OLFM3: variants seen among roughly 807,000 people sequenced by gnomAD.
The protein encoded by OLFM3 is noelin-3.
OLFM3 carries 20 observed loss-of-function variants against 48.6 expected under a neutral mutation model. That is an observed-to-expected ratio of 0.41 (90% CI 0.29 to 0.60). The LOEUF (loss-of-function observed/expected upper bound fraction) is 0.60. Among genes scored for constraint, OLFM3 ranks in the 20% least tolerant of loss-of-function variants. The pLI is 0.28. For synonymous variants in OLFM3, 222 were observed against 198.1 expected (o/e 1.12, Z -1.01); for missense variants, 437 against 544.3 (o/e 0.80, Z 1.96).
At chr1:101,952,054 T>TTAAC (rs1253053718) in intron 1 of OLFM3, among the ~76,000 whole-genome samples, 41 of 152,226 alleles carry the variant, frequency 2.7e-4, no homozygotes, top group African/African-American at 9.6e-4. Flanking sequence ...AACTATCTGA[T>TTAAC]TAACTTTCTC....
chr1:101,944,165 T>C (rs1163351568), intron 1 of OLFM3, among the ~76,000 whole-genome samples: 3 of 151,836 alleles, frequency 2.0e-5, no homozygotes, highest in Non-Finnish European at 4.4e-5. Flanking sequence ...ACTTCTATGT[T>C]ATATTTTATT....
intron 1 of OLFM3, among the ~76,000 whole-genome samples, chr1:101,964,191 G>A (rs1187485539): frequency 6.6e-6 from 1 of 152,122 alleles, no homozygotes; most frequent in Non-Finnish European, 1.5e-5. Context: ...GTATGTGGAA[G>A]AAAGTTTAAG....
At chr1:101,863,633 T>A (rs533496038) in intron 1 of OLFM3, among the ~76,000 whole-genome samples, 1 of 152,296 alleles carries the variant, frequency 6.6e-6, no homozygotes, top group African/African-American at 2.4e-5. Context: ...CGCTTATTCG[T>A]AAAAATATCA....
At chr1:101,957,267 G>A (rs1235411524) in intron 1 of OLFM3, among the ~76,000 whole-genome samples, 2 of 151,916 alleles carry the variant, frequency 1.3e-5, no homozygotes, top group Non-Finnish European at 2.9e-5. Flanking sequence ...CCCAATGTGT[G>A]GGGATTTTGT....
At chr1:101,953,968 A>G (rs1660218156) in intron 1 of OLFM3, among the ~76,000 whole-genome samples, 1 of 152,158 alleles carries the variant, frequency 6.6e-6, no homozygotes, top group Non-Finnish European at 1.5e-5. Context: ...ATTGGTTGAC[A>G]GCTAAGAATG....
At chr1:101,879,563 G>T (rs1320893902) in intron 1 of OLFM3, among the ~76,000 whole-genome samples, 1 of 151,690 alleles carries the variant, frequency 6.6e-6, no homozygotes, top group Non-Finnish European at 1.5e-5. Flanking sequence ...TTGGGTCTGG[G>T]TCAAAAATCA....
chr1:101,843,720 A>G (rs562199426), intron 1 of OLFM3, among the ~76,000 whole-genome samples: 6 of 152,324 alleles, frequency 3.9e-5, no homozygotes, highest in Non-Finnish European at 7.4e-5. Flanking sequence ...GGCACCTGCC[A>G]TAAATTGATT....
intron 1 of OLFM3, among the ~76,000 whole-genome samples, chr1:101,946,777 T>G (rs924683688): frequency 2.0e-5 from 3 of 152,118 alleles, no homozygotes; most frequent in Non-Finnish European, 2.9e-5. Context: ...AAATGGAAAC[T>G]TTAGTAGATA....
chr1:101,955,571 T>C (rs972225921), intron 1 of OLFM3, among the ~76,000 whole-genome samples: 2 of 151,928 alleles, frequency 1.3e-5, no homozygotes, highest in Non-Finnish European at 2.9e-5. Flanking sequence ...CCCCATGATT[T>C]CTAAGACAAT....
chr1:101,948,795 T>C (rs1435109287), intron 1 of OLFM3, among the ~76,000 whole-genome samples: 2 of 150,350 alleles, frequency 1.3e-5, no homozygotes, highest in Non-Finnish European at 3.0e-5. Context: ...TTTAGTAAAA[T>C]AGAAATGAGT....
chr1:101,866,729 T>G (rs1300133959), intron 1 of OLFM3, among the ~76,000 whole-genome samples: 3 of 152,200 alleles, frequency 2.0e-5, no homozygotes, highest in African/African-American at 4.8e-5. Flanking sequence ...AGGTAATAAT[T>G]TAAATGCAAT....
chr1:101,988,080 C>T (rs1661301637), intron 1 of OLFM3, among the ~76,000 whole-genome samples: 1 of 151,684 alleles, frequency 6.6e-6, no homozygotes, highest in Admixed American at 6.6e-5. Flanking sequence ...TGGCACAGTA[C>T]CATTATAAGT....
chr1:101,957,042 T>C (rs933112969), intron 1 of OLFM3, among the ~76,000 whole-genome samples: 3 of 151,832 alleles, frequency 2.0e-5, no homozygotes, highest in Non-Finnish European at 4.4e-5. Flanking sequence ...AACTTGATAA[T>C]ATCAAAGGAG....
chr1:101,857,245 G>A (rs1489517657), intron 1 of OLFM3, among the ~76,000 whole-genome samples: 1 of 151,974 alleles, frequency 6.6e-6, no homozygotes, highest in Non-Finnish European at 1.5e-5. Context: ...TAAAGAGACT[G>A]TGAAAAGGAA....
At chr1:101,956,344 C>T (rs1395544689) in intron 1 of OLFM3, among the ~76,000 whole-genome samples, 1 of 151,720 alleles carries the variant, frequency 6.6e-6, no homozygotes, top group Non-Finnish European at 1.5e-5. Flanking sequence ...TCTTATTATT[C>T]ATTCCCACCC....
rs568086640 is a variant in OLFM3, at chr1:101,897,061, T to C, written c.70-60036A>G. On this transcript the variant is annotated intron_variant, in intron 1 of 5. Transcript: ENST00000370103. ...GTATTCATAGAGCTTAGGATGTCCA[T>C]AAGTGCTAATGTGGAAATCCTGATC... is the stretch of plus-strand genomic sequence containing the variant. Among the ~76,000 whole-genome samples the C allele has an allele frequency of 1.1e-4, 16 of 152,276 alleles. No individual in the cohort carries two copies. In the South Asian group the frequency reaches 3.1e-3, roughly 30 times the overall value.
chr1:101,826,844 C>T (rs1481567624), intron 3 of OLFM3, among the ~76,000 whole-genome samples: 1 of 152,182 alleles, frequency 6.6e-6, no homozygotes. Context: ...ATTTTCTGCA[C>T]ATTATAACAA....
chr1:101,861,575 A>T (rs561284901), intron 1 of OLFM3, among the ~76,000 whole-genome samples: 2 of 152,196 alleles, frequency 1.3e-5, no homozygotes, highest in African/African-American at 4.8e-5. Context: ...CTATTCCCAT[A>T]TGACAGTGGA....
intron 1 of OLFM3, among the ~76,000 whole-genome samples, chr1:101,946,038 C>T (rs1238424022): frequency 6.6e-6 from 1 of 152,158 alleles, no homozygotes; most frequent in East Asian, 1.9e-4. Context: ...CTGAGACTAT[C>T]ATTTCAGAAA....
Sources: allele counts gnomAD v4.1 joint callset (sites outside exome capture counted in the v4.1 genomes callset), GRCh38; gene constraint gnomAD v4.1.1; transcripts MANE v1.5; gene names NCBI Gene and HGNC (gene_info 2026-07-23, HGNC 2026-07-21).